Variants in DMAC1 observed in about 807,000 individuals in gnomAD.
DMAC1 encodes distal membrane-arm assembly complex protein 1.
Under a neutral mutation model 7.0 loss-of-function variants are expected in DMAC1, and 10 were observed. That is an observed-to-expected ratio of 1.43 (90% confidence interval 0.88 to 2.43). The LOEUF is 2.43. Among genes scored for constraint, DMAC1 ranks in the 30% most tolerant of loss-of-function variants. DMAC1 has a pLI of 0.00. For synonymous variants in DMAC1, 92 were observed against 66.2 expected, an observed-to-expected ratio of 1.39 and a Z score of -1.90; for missense variants, 219 against 158.7, an observed-to-expected ratio of 1.38 and a Z score of -2.04.
chr9:7,797,977 T>C lies in DMAC1; in HGVS notation c.*596A>G, dbSNP rs769261499. 1 of 152,308 alleles carries C rather than the reference T, an allele frequency of 6.6e-6. No homozygotes were observed. Among genetic ancestry groups the C allele is most frequent in the Non-Finnish European group, 1.5e-5 (1 of 68,116 alleles). The allele number at this position is 152,308 out of a possible 1,614,324, so 9.4% of individuals were successfully genotyped here. A position where few individuals can be genotyped will look rare whatever the true frequency, so the allele number is the denominator to read the frequency against. On this transcript the variant is annotated 3_prime_UTR_variant, in exon 2 of 2. Transcript: ENST00000358227. Reference sequence around the variant, plus strand: ...TAGCTGTGAAGCTCTCATAAGGTGATGGATTTGAAAATGCCTTGCAAAGTA... The same window carrying C: ...TAGCTGTGAAGCTCTCATAAGGTGACGGATTTGAAAATGCCTTGCAAAGTA...
rs1818623921 is a variant in DMAC1 at position 7,797,169 on chromosome 9, A to G, written c.*1404T>C. The G allele has an allele frequency of 6.6e-6, 1 of 152,234 alleles. No homozygotes were observed. The highest frequency in any genetic ancestry group is 1.5e-5 in the Non-Finnish European group (1 of 68,038). The allele number at this position is 152,234 out of a possible 1,614,324, so 9.4% of individuals were successfully genotyped here. ...ACTTGTCTTTGTAGGTATTTTAGGT[A>G]TATGAATGACCATATGTATCTGCTT... On this transcript the variant is annotated 3_prime_UTR_variant, in exon 2 of 2. Transcript: ENST00000358227.
In DMAC1 at chr9:7,796,918, T is replaced by C. The variant is rs1818617402; in HGVS notation, c.*1655A>G. The C allele has an allele frequency of 6.7e-6, 1 of 148,688 alleles. No homozygotes were observed. Among genetic ancestry groups the C allele is most frequent in the African/African-American group, 2.4e-5 (1 of 41,246 alleles). 9.2% of individuals were successfully genotyped at this position (148,688 alleles called of 1,614,324 possible). ...TGTAAACTAACTACTAATTAAGTTT[T>C]TGAGGAGTCAGGTTATATGCAGATT... On this transcript the variant is annotated 3_prime_UTR_variant, in exon 2 of 2. Coordinates refer to ENST00000358227, the MANE Select transcript of DMAC1 (RefSeq NM_033428.3).
chr9:7,797,852 T>C lies in DMAC1; in HGVS notation c.*721A>G, dbSNP rs1430237573. The C allele has an allele frequency of 3.9e-5, 6 of 152,322 alleles. No homozygotes were observed. The South Asian group carries it at 1.2e-3, about 32-fold the overall frequency. 9.4% of individuals were successfully genotyped at this position (152,322 alleles called of 1,614,324 possible). On this transcript the variant is annotated 3_prime_UTR_variant, in exon 2 of 2. Transcript: ENST00000358227. ...AGAACAAAAAACTGACAAGAACAAG[T>C]TCTAGCTCCATCACGGACTTACTGA... is the stretch of plus-strand genomic sequence containing the variant.
At position 7,799,593 on chromosome 9, in the gene DMAC1, A is replaced by G; in HGVS notation, c.142T>C (p.Trp48Arg). 2 of 1,613,784 alleles carry G rather than the reference A, an allele frequency of 1.2e-6. No homozygotes were observed. Among genetic ancestry groups the G allele is most frequent in the Non-Finnish European group, 1.7e-6 (2 of 1,179,988 alleles). Residue 48 changes from tryptophan (W) to arginine (R), a missense_variant, in exon 1 of 2, where the codon TGG becomes CGG. Transcript: ENST00000358227. ...PAEHRLLKTC[W>R]SCRVLSGLGL... ...AACCCAGAAAGCACGCGACAGCTCC[A>G]GCAGGTCTTCAACAGGCGGTGTTCT...
chr9:7,799,694 G>A lies in DMAC1; in HGVS notation c.41C>T (p.Thr14Ile), dbSNP rs781137305. The stretch of plus-strand genomic sequence containing the variant: ...CGCGGCGGCGGTACCGGGAGGCGCA[G>A]TGATATAGGACTCAAAAGGCTGGGA... Reference protein sequence around the residue: ...RLSQPFESYITAPPGTAAAPA... With the variant: ...RLSQPFESYIIAPPGTAAAPA... The change falls in exon 1 of 2, where the codon ACT (threonine) becomes ATT (isoleucine). Residue 14 changes from threonine to isoleucine, a missense_variant. Physicochemically the swap from Thr to Ile is moderately conservative, Grantham distance 89. Coordinates refer to ENST00000358227, the MANE Select transcript of DMAC1 (RefSeq NM_033428.3). 16 of 1,592,108 alleles carry A rather than the reference G, an allele frequency of 1.0e-5. No homozygotes were observed. The highest frequency in any genetic ancestry group is 1.3e-5 in the Non-Finnish European group (15 of 1,173,228).
Position 7,799,605 on chromosome 9 carries a change from A to C in DMAC1, c.130T>G (p.Leu44Val). The C allele has an allele frequency of 6.2e-7, 1 of 1,613,626 alleles. No homozygotes were observed. Among genetic ancestry groups the C allele is most frequent in the Non-Finnish European group, 8.5e-7 (1 of 1,179,902 alleles). Residue 44 changes from leucine (L) to valine (V), a missense_variant, in exon 1 of 2, where the codon TTG (leucine) becomes GTG (valine). Leu to Val is a conservative substitution (Grantham distance 32). Transcript: ENST00000358227. ...ACGCGACAGCTCCAGCAGGTCTTCAACAGGCGGTGTTCTGCTGGGGAGGTC... is the reference window on the plus strand; with the variant it reads ...ACGCGACAGCTCCAGCAGGTCTTCACCAGGCGGTGTTCTGCTGGGGAGGTC... ...APTSPAEHRLLKTCWSCRVLS... is the reference protein window; with the variant it reads ...APTSPAEHRLVKTCWSCRVLS...
rs1818649858 is a variant in DMAC1 at position 7,798,034 on chromosome 9, C to G, written c.*539G>C. ...ATTCATACACAGAAAATTTCACGTA[C>G]TTCTATATATTGCATGATGCCCACC... On this transcript the variant is annotated 3_prime_UTR_variant, in exon 2 of 2. Coordinates refer to ENST00000358227, the MANE Select transcript of DMAC1 (RefSeq NM_033428.3). The G allele has an allele frequency of 2.0e-5, 3 of 152,326 alleles. No individual in the cohort carries two copies. The highest frequency in any genetic ancestry group is 7.2e-5 in the African/African-American group (3 of 41,448). 9.4% of individuals were successfully genotyped at this position (152,326 alleles called of 1,614,324 possible).
In DMAC1 at chr9:7,798,528, C is replaced by T. The variant is rs749369110; in HGVS notation, c.*45G>A. 62 of 1,605,754 alleles carry T rather than the reference C, an allele frequency of 3.9e-5. 1 individual carries two copies. In the Middle Eastern group the frequency reaches 1.2e-3, roughly 30 times the overall value. On this transcript the variant is annotated 3_prime_UTR_variant, in exon 2 of 2. Transcript: ENST00000358227. Reference sequence around the variant, plus strand: ...AATTCCATGCCTGCTGTGTGTGTCACGGGGAAAGGGACAGAGACAGAAGAC... The same window carrying T: ...AATTCCATGCCTGCTGTGTGTGTCATGGGGAAAGGGACAGAGACAGAAGAC...
At position 7,798,512 on chromosome 9, in the gene DMAC1, C is replaced by G. The variant is rs1398840260; in HGVS notation, c.*61G>C. ...TCCAGAACACCCATTAAATTCCATGCCTGCTGTGTGTGTCACGGGGAAAGG... is the reference window on the plus strand; with the variant it reads ...TCCAGAACACCCATTAAATTCCATGGCTGCTGTGTGTGTCACGGGGAAAGG... On this transcript the variant is annotated 3_prime_UTR_variant, in exon 2 of 2. Transcript: ENST00000358227. 6.4e-7 allele frequency: 1 copy of G among 1,572,732 alleles called. No homozygotes were observed. The highest frequency in any genetic ancestry group is 8.8e-7 in the Non-Finnish European group (1 of 1,142,234).
rs1207097559 is a variant in DMAC1, at chr9:7,797,057, T to G, written c.*1516A>C. On this transcript the variant is annotated 3_prime_UTR_variant, in exon 2 of 2. Coordinates refer to ENST00000358227, the MANE Select transcript of DMAC1 (RefSeq NM_033428.3). ...AGATCAAGCCAAGACCAAGTTAGGT[T>G]TATGTGTTTTTGGTTTAACCAAAGA... 1 of 152,160 alleles carries G rather than the reference T, an allele frequency of 6.6e-6. No homozygotes were observed. Among genetic ancestry groups the G allele is most frequent in the South Asian group, 2.1e-4 (1 of 4,824 alleles). 9.4% of individuals were successfully genotyped at this position (152,160 alleles called of 1,614,324 possible).
In DMAC1 at chr9:7,799,514, T is replaced by C. The variant is rs2129805144; in HGVS notation, c.221A>G (p.Lys74Arg). The change falls in exon 1 of 2, where the codon AAG becomes AGG. Residue 74 changes from lysine to arginine, a missense_variant. Coordinates refer to ENST00000358227, the MANE Select transcript of DMAC1 (RefSeq NM_033428.3). ...CCATGGACTCGGGGGGTATCCCATCTTCATGGGCTTCCGTGCCACCCAGTA... is the reference window on the plus strand; with the variant it reads ...CCATGGACTCGGGGGGTATCCCATCCTCATGGGCTTCCGTGCCACCCAGTA... ...YVYWVARKPM[K>R]MGYPPSPWTI... 1 of 1,613,542 alleles carries C rather than the reference T, an allele frequency of 6.2e-7. No homozygotes were observed.
At chr9:7,798,690 G>C (rs1818671728) in intron 1 of DMAC1, 53 bp from the exon 2 acceptor site, 1 of 1,429,074 alleles carries the variant, frequency 7.0e-7, no homozygotes, top group Admixed American at 2.2e-5. Context: ...AATTTACCAA[G>C]TGTTTCACAT....
rs1045157083 is a variant in DMAC1, at chr9:7,797,055, G to C, written c.*1518C>G. The C allele has an allele frequency of 5.3e-5, 8 of 152,150 alleles. No homozygotes were observed. Among genetic ancestry groups the C allele is most frequent in the African/African-American group, 1.9e-4 (8 of 41,420 alleles). The allele number at this position is 152,150 out of a possible 1,614,324, so 9.4% of individuals were successfully genotyped here. On this transcript the variant is annotated 3_prime_UTR_variant, in exon 2 of 2. Transcript: ENST00000358227. ...GTAGATCAAGCCAAGACCAAGTTAG[G>C]TTTATGTGTTTTTGGTTTAACCAAA... is the stretch of plus-strand genomic sequence containing the variant.
chr9:7,798,226 TATA>T lies in DMAC1; in HGVS notation c.*344_*346del, dbSNP rs1362511715. ...ACTAAACATATTTATGTTTATTATA[TATA>T]ATATGACATGCAATTATATAAGACA... On this transcript the variant is annotated 3_prime_UTR_variant, in exon 2 of 2. Coordinates refer to ENST00000358227, the MANE Select transcript of DMAC1 (RefSeq NM_033428.3). 1.7e-5 allele frequency: 3 copies of T among 172,724 alleles called. No individual in the cohort carries two copies. The highest frequency in any genetic ancestry group is 3.7e-5 in the Non-Finnish European group (3 of 81,180). The allele number at this position is 172,724 out of a possible 1,614,324, so 10.7% of individuals were successfully genotyped here.
At position 7,799,700 on chromosome 9, in the gene DMAC1, T is replaced by A; in HGVS notation, c.35A>T (p.Tyr12Phe). The A allele has an allele frequency of 3.2e-6, 5 of 1,580,952 alleles. No individual in the cohort carries two copies. The highest frequency in any genetic ancestry group is 1.3e-5 in the African/African-American group (1 of 74,358). ...GGCGGTACCGGGAGGCGCAGTGATA[T>A]AGGACTCAAAAGGCTGGGACAACCG... is the stretch of plus-strand genomic sequence containing the variant. ...GSRLSQPFES[Y>F]ITAPPGTAAA... is the part of the protein sequence containing the mutation. The change falls in exon 1 of 2, where the codon TAT (tyrosine) becomes TTT (phenylalanine). Residue 12 changes from tyrosine (Y) to phenylalanine (F), a missense_variant. By Grantham distance (22) the Tyr-to-Phe change is conservative. Transcript: ENST00000358227.
rs768314019 is a variant in DMAC1 at position 7,797,313 on chromosome 9, T to G, written c.*1260A>C. 1.3e-5 allele frequency: 2 copies of G among 152,230 alleles called. No individual in the cohort carries two copies. The highest frequency in any genetic ancestry group is 2.4e-5 in the African/African-American group (1 of 41,462). The allele number at this position is 152,230 out of a possible 1,614,324, so 9.4% of individuals were successfully genotyped here. A position where few individuals can be genotyped will look rare whatever the true frequency, so the allele number is the denominator to read the frequency against. The stretch of plus-strand genomic sequence containing the variant: ...CGTACTTTAGGTTTGAAATGTTTTC[T>G]TTTTCAGTTGCATAGATATATGTAG... On this transcript the variant is annotated 3_prime_UTR_variant, in exon 2 of 2. Transcript: ENST00000358227.
At position 7,798,641 on chromosome 9, in the gene DMAC1, G is replaced by A. The variant is rs1563830373; in HGVS notation, c.275-4C>T. On this transcript the variant is annotated splice_polypyrimidine_tract_variant and splice_region_variant and intron_variant, in intron 1 of 1. Coordinates refer to ENST00000358227, the MANE Select transcript of DMAC1 (RefSeq NM_033428.3). Reference sequence around the variant, plus strand: ...ACGATACCCCAGGTGGCAATGCCTAGAAAAAAAACAACAATACCTTACCTT... The same window carrying A: ...ACGATACCCCAGGTGGCAATGCCTAAAAAAAAAACAACAATACCTTACCTT... The A allele has an allele frequency of 2.6e-6, 4 of 1,549,538 alleles. No individual in the cohort carries two copies. The highest frequency in any genetic ancestry group is 1.9e-5 in the Admixed American group (1 of 51,680).
chr9:7,799,562 A>C lies in DMAC1; in HGVS notation c.173T>G (p.Leu58Arg). 1 of 1,612,678 alleles carries C rather than the reference A, an allele frequency of 6.2e-7. No individual in the cohort carries two copies. Among genetic ancestry groups the C allele is most frequent in the Non-Finnish European group, 8.5e-7 (1 of 1,179,626 alleles). ...GTACACGTACCCGCCCGCCCCCATC[A>C]GCCCCAACCCAGAAAGCACGCGACA... is the stretch of plus-strand genomic sequence containing the variant. ...WSCRVLSGLG[L>R]MGAGGYVYWV... Residue 58 changes from leucine to arginine, a missense_variant, in exon 1 of 2, where the codon CTG becomes CGG. Coordinates refer to ENST00000358227, the MANE Select transcript of DMAC1 (RefSeq NM_033428.3).
rs770309427 is a variant in DMAC1 at position 7,799,750 on chromosome 9, C to T, written c.-16G>A. The T allele has an allele frequency of 2.7e-6, 4 of 1,508,252 alleles. No individual in the cohort carries two copies. In the South Asian group the frequency reaches 5.1e-5, roughly 19 times the overall value. The allele number at this position is 1,508,252 out of a possible 1,614,324, so 93.4% of individuals were successfully genotyped here. On this transcript the variant is annotated 5_prime_UTR_variant, in exon 1 of 2. Coordinates refer to ENST00000358227, the MANE Select transcript of DMAC1 (RefSeq NM_033428.3). ...GAGACCCCATGCTCTGGAACTCGGCCTCAACCTTGGGCGTCTTTGGTTCAA... is the reference window on the plus strand; with the variant it reads ...GAGACCCCATGCTCTGGAACTCGGCTTCAACCTTGGGCGTCTTTGGTTCAA...
Sources: gnomAD v4.1 joint callset for allele counts on GRCh38, gnomAD v4.1.1 for gene constraint, MANE v1.5 for transcripts, NCBI Gene and HGNC (gene_info 2026-07-23, HGNC 2026-07-21) for gene names.